DIP2A: variants seen among roughly 807,000 people sequenced by gnomAD.
DIP2A encodes the protein disco-interacting protein 2 homolog A.
A neutral mutation model predicts 177.4 loss-of-function variants in DIP2A; 85 were observed. The observed-to-expected ratio is 0.48, with a 90% CI of 0.40 to 0.57. DIP2A has a LOEUF of 0.57. Among genes scored for constraint, DIP2A ranks in the 20% least tolerant of loss-of-function variants. The pLI, the probability that DIP2A is intolerant of heterozygous loss-of-function variation, is 0.00. For synonymous variants in DIP2A, 886 were observed against 881.8 expected (o/e 1.00, Z -0.08); for missense variants, 1,791 against 2,100.2 (o/e 0.85, Z 2.88).
rs1310290562 is a variant in DIP2A at position 46,537,760 on chromosome 21, G to A, written c.1801+221G>A. ...TTTCGTGGGTGATGTGGTAAGTAGG[G>A]CCACTTGGTGGGGTCTGGGCCTTAC... On this transcript the variant is annotated intron_variant, in intron 15 of 37. Transcript: ENST00000417564. The surrounding 1 kb of genome is among the most constrained non-coding windows in gnomAD (Gnocchi z 4.1). 2.0e-5 allele frequency among the ~76,000 whole-genome samples: 3 copies of A among 152,180 alleles called. No homozygotes were observed. Among genetic ancestry groups the A allele is most frequent in the Non-Finnish European group, 2.9e-5 (2 of 68,046 alleles).
rs1428932767 is a variant in DIP2A, at chr21:46,545,040, C to G, written c.2177-97C>G. 22 of 1,254,854 alleles carry G rather than the reference C, an allele frequency of 1.8e-5. No homozygotes were observed. The East Asian group carries it at 1.8e-4, about 10-fold the overall frequency. 77.7% of individuals were successfully genotyped at this position (1,254,854 alleles called of 1,614,324 possible). A position where few individuals can be genotyped will look rare whatever the true frequency, so the allele number is the denominator to read the frequency against. ...AAGAAGGTGCTGTGTATATAACATC[C>G]TGTTTCCATAACCGCACATACAGCA... is the stretch of plus-strand genomic sequence containing the variant. On this transcript the variant is annotated intron_variant, in intron 18 of 37. Coordinates refer to ENST00000417564, the MANE Select transcript of DIP2A (RefSeq NM_015151.4).
chr21:46,486,168 C>G (rs1206520436), intron 2 of DIP2A, among the ~76,000 whole-genome samples: 1 of 151,392 alleles, frequency 6.6e-6, no homozygotes. Flanking sequence ...GACATGTTCT[C>G]TGACTGCATT....
chr21:46,478,869 T>C (rs2056130353), intron 1 of DIP2A, among the ~76,000 whole-genome samples: 1 of 152,202 alleles, frequency 6.6e-6, no homozygotes, highest in Non-Finnish European at 1.5e-5. Context: ...TAGTCATAGT[T>C]TCTTGCTGCC....
At position 46,558,203 on chromosome 21, in the gene DIP2A, A is replaced by AC; in HGVS notation, c.3799-18dup. The AC allele has an allele frequency of 1.9e-6, 3 of 1,599,914 alleles. No homozygotes were observed. Among genetic ancestry groups the AC allele is most frequent in the Non-Finnish European group, 2.6e-6 (3 of 1,173,628 alleles). On this transcript the variant is annotated intron_variant, in intron 31 of 37. Transcript: ENST00000417564. ...CTCACTGAGCTGTGGCCGTGGCCTG[A>AC]CCGCTCACCCCTCCCGCAGATGAAG...
chr21:46,517,056 T>C (rs867190875), intron 8 of DIP2A, among the ~76,000 whole-genome samples: 4,282 of 53,624 alleles, frequency 0.08, 59 homozygotes, highest in African/African-American at 0.12. Context: ...TTCTCTCTCT[T>C]TTTTTTTTTT....
intron 20 of DIP2A, 87 bp from the exon 21 acceptor site, chr21:46,546,828 C>T (rs553364049): frequency 2.7e-6 from 4 of 1,505,318 alleles, no homozygotes; most frequent in East Asian, 2.3e-5. Flanking sequence ...GTGCTGTTGG[C>T]CCCTTCTTGG....
In DIP2A at chr21:46,495,244, T is replaced by TTCTCTCTCTC. The variant is rs371550332; in HGVS notation, c.284-1718_284-1709dup. Among the ~76,000 whole-genome samples, 308 of 38,136 alleles carry TTCTCTCTCTC rather than the reference T, an allele frequency of 8.1e-3. 17 individuals carry two copies. The highest frequency in any genetic ancestry group is 0.064 in the Middle Eastern group (5 of 78). The allele number at this position is 38,136 out of a possible 152,430, so 25.0% of individuals were successfully genotyped here. A position where few individuals can be genotyped will look rare whatever the true frequency, so the allele number is the denominator to read the frequency against. On this transcript the variant is annotated intron_variant, in intron 3 of 37. Coordinates refer to ENST00000417564, the MANE Select transcript of DIP2A (RefSeq NM_015151.4). The stretch of plus-strand genomic sequence containing the variant: ...CTTCTCTTCTCTTCTCTTCTCTTCT[T>TTCTCTCTCTC]TCTCTCTCTCTCTCTCTCTCTCTCT...
chr21:46,520,398 A>C (rs570051104), intron 8 of DIP2A, among the ~76,000 whole-genome samples: 2 of 152,228 alleles, frequency 1.3e-5, no homozygotes, highest in African/African-American at 4.8e-5. Context: ...TCTGTCTTCT[A>C]TTAGTTCTGT....
rs768721654 is a variant in DIP2A, at chr21:46,566,633, C to T, written c.4413C>T (p.Pro1471=). Residue 1471 remains proline, a synonymous_variant, in exon 37 of 38, where the codon CCC becomes CCT. Coordinates refer to ENST00000417564, the MANE Select transcript of DIP2A (RefSeq NM_015151.4). ...TLELRGMRYH[P]IDIETSVIRA... ...AGCTCAGAGGCATGCGGTACCACCC[C>T]ATCGACATTGAGACCTCTGTCATCC... 1 of 1,614,116 alleles carries T rather than the reference C, an allele frequency of 6.2e-7. No homozygotes were observed. The highest frequency in any genetic ancestry group is 8.5e-7 in the Non-Finnish European group (1 of 1,180,034).
Position 46,485,460 on chromosome 21 carries a change from G to T in DIP2A, c.163+632G>T, listed in dbSNP as rs78502728. Reference sequence around the variant, plus strand: ...CTTTGCACATGGGAATGGTGGTGTGGCAGGCATGGTGCTGGCATAGTTCTT... The same window carrying T: ...CTTTGCACATGGGAATGGTGGTGTGTCAGGCATGGTGCTGGCATAGTTCTT... On this transcript the variant is annotated intron_variant, in intron 2 of 37. Transcript: ENST00000417564. 8.6e-3 allele frequency among the ~76,000 whole-genome samples: 1,308 copies of T among 152,300 alleles called. 8 individuals carry two copies. The highest frequency in any genetic ancestry group is 0.014 in the Non-Finnish European group (977 of 68,024).
chr21:46,508,568 C>T (rs2058141006), intron 6 of DIP2A, among the ~76,000 whole-genome samples: 2 of 150,720 alleles, frequency 1.3e-5, no homozygotes, highest in Admixed American at 1.3e-4. Flanking sequence ...CTGTGTTAGC[C>T]AGGATGGTCT....
chr21:46,552,666 A>G (rs908243562), intron 25 of DIP2A, among the ~76,000 whole-genome samples: 2 of 152,166 alleles, frequency 1.3e-5, no homozygotes, highest in African/African-American at 4.8e-5. Context: ...GATGCCTACA[A>G]TGTGCACAGT....
intron 1 of DIP2A, among the ~76,000 whole-genome samples, chr21:46,477,543 T>TTTCGTGTGTGTGTGTGTG (rs374607636): frequency 1.1e-5 from 1 of 87,094 alleles, no homozygotes; most frequent in African/African-American, 4.3e-5. Flanking sequence ...AAAAAAAGAT[T>TTTCGTGTGTGTGTGTGTG]TGTGTGTGTG....
rs543367411 is a variant in DIP2A, at chr21:46,563,443, C to T, written c.4090-415C>T. ...CAGTGGTTGGACTGACTCGGAGTCA[C>T]GGGCAGGAAGAACTTCCTCATGGTC... On this transcript the variant is annotated intron_variant, in intron 34 of 37. Transcript: ENST00000417564. This position sits in a 1 kb window ranked among gnomAD's most constrained non-coding sequence, Gnocchi z 4.3. Among the ~76,000 whole-genome samples, 50 of 152,274 alleles carry T rather than the reference C, an allele frequency of 3.3e-4. No individual in the cohort carries two copies. The highest frequency in any genetic ancestry group is 3.4e-3 in the Middle Eastern group (1 of 294).
At chr21:46,490,943 T>G (rs1023133860) in intron 3 of DIP2A, among the ~76,000 whole-genome samples, 2 of 152,244 alleles carry the variant, frequency 1.3e-5, no homozygotes, top group African/African-American at 4.8e-5. Flanking sequence ...TGGCACTTTC[T>G]TAGGGGATGC....
At position 46,504,481 on chromosome 21, in the gene DIP2A, C is replaced by T; in HGVS notation, c.776C>T (p.Thr259Ile). 6.2e-7 allele frequency: 1 copy of T among 1,607,104 alleles called. No homozygotes were observed. The highest frequency in any genetic ancestry group is 8.5e-7 in the Non-Finnish European group (1 of 1,176,172). ...PRGCSGSMLE[T>I]ADGVPVNSRV... ...GGGTGCAGCGGGAGCATGCTGGAAA[C>T]AGCAGATGGTGAGCCTGCCTCTCTT... Residue 259 changes from threonine (T) to isoleucine (I), a missense_variant, in exon 6 of 38, where the codon ACA becomes ATA. Coordinates refer to ENST00000417564, the MANE Select transcript of DIP2A (RefSeq NM_015151.4).
In DIP2A at chr21:46,568,409, A is replaced by G. The variant is rs1379818444; in HGVS notation, c.*787A>G. The G allele has an allele frequency of 6.6e-6, 1 of 152,216 alleles. No homozygotes were observed. Among genetic ancestry groups the G allele is most frequent in the East Asian group, 1.9e-4 (1 of 5,198 alleles). The allele number at this position is 152,216 out of a possible 1,614,324, so 9.4% of individuals were successfully genotyped here. A position where few individuals can be genotyped will look rare whatever the true frequency, so the allele number is the denominator to read the frequency against. On this transcript the variant is annotated 3_prime_UTR_variant, in exon 38 of 38. Coordinates refer to ENST00000417564, the MANE Select transcript of DIP2A (RefSeq NM_015151.4). ...GTGGTGGGCGCCTGTAGTCCCAGCT[A>G]CTTGGGAGGCTGAGGCAGGAGAATG...
At chr21:46,566,808 T>A in intron 37 of DIP2A, 125 bp downstream of exon 37, 1 of 1,274,550 alleles carries the variant, frequency 7.8e-7, no homozygotes, top group Non-Finnish European at 1.1e-6. Flanking sequence ...TCCTGCATTG[T>A]CACCCTGGTC....
chr21:46,547,088 G>T, intron 21 of DIP2A, 46 bp downstream of exon 21: 1 of 1,596,706 alleles, frequency 6.3e-7, no homozygotes, highest in Non-Finnish European at 8.6e-7. Flanking sequence ...TCCTTCATTT[G>T]CAGCTCGGGA....
Sources: gnomAD v4.1 joint callset for allele counts (sites outside exome capture counted in the v4.1 genomes callset) on GRCh38, gnomAD v4.1.1 for gene constraint, Gnocchi (gnomAD v3.1) non-coding constraint, MANE v1.5 for transcripts, NCBI Gene and HGNC (gene_info 2026-07-23, HGNC 2026-07-21) for gene names.